The following CACNA1G variants were observed in gnomAD, a reference collection of about 807,000 sequenced individuals.
The protein encoded by CACNA1G is calcium voltage-gated channel subunit alpha1 G, also known as voltage-dependent T-type calcium channel subunit alpha-1G.
CACNA1G carries 67 observed loss-of-function variants against 219.4 expected under a neutral mutation model. That is an observed-to-expected ratio of 0.31 (90% CI 0.25 to 0.37). The LOEUF is 0.37. Ranked by LOEUF, CACNA1G falls within the 10% of genes least tolerant of loss-of-function variation. The pLI is 1.00. For synonymous variants in CACNA1G, 1,296 were observed against 1,345.3 expected (o/e 0.96, Z 0.80); for missense variants, 2,380 against 3,231.4 (o/e 0.74, Z 6.39).
chr17:50,587,058 G>T (rs546989242), intron 9 of CACNA1G, among the ~76,000 whole-genome samples: 1 of 152,208 alleles, frequency 6.6e-6, no homozygotes, highest in Non-Finnish European at 1.5e-5. Flanking sequence ...GGCTAGACCT[G>T]GGAAGGGACT....
At chr17:50,624,866 C>A (rs1489140470) in intron 37 of CACNA1G, among the ~76,000 whole-genome samples, 1 of 152,130 alleles carries the variant, frequency 6.6e-6, no homozygotes, top group Non-Finnish European at 1.5e-5. Context: ...TTCTTCTCCC[C>A]ACTTTGGACT....
chr17:50,566,054 G>A (rs1344839743), intron 1 of CACNA1G, among the ~76,000 whole-genome samples: 1 of 152,108 alleles, frequency 6.6e-6, no homozygotes, highest in Non-Finnish European at 1.5e-5. Context: ...GGTTACCATG[G>A]GGATCTGTCA....
chr17:50,583,025 G>A (rs1424856038), intron 9 of CACNA1G, among the ~76,000 whole-genome samples: 1 of 152,170 alleles, frequency 6.6e-6, no homozygotes, highest in Non-Finnish European at 1.5e-5. Context: ...TCCAGATATG[G>A]TAAGTCTGAA....
At chr17:50,602,559 C>T (rs1052431892) in intron 19 of CACNA1G, among the ~76,000 whole-genome samples, 1 of 152,194 alleles carries the variant, frequency 6.6e-6, no homozygotes, top group Non-Finnish European at 1.5e-5. Context: ...ATCCTCTCCC[C>T]CTTGGGCTAA....
At position 50,569,810 on chromosome 17, in the gene CACNA1G, G is replaced by C. The variant is rs1191771423; in HGVS notation, c.586+7G>C. 2.6e-6 allele frequency: 4 copies of C among 1,546,640 alleles called. No individual in the cohort carries two copies. Among genetic ancestry groups the C allele is most frequent in the Non-Finnish European group, 3.5e-6 (4 of 1,144,266 alleles). On this transcript the variant is annotated splice_region_variant and intron_variant, in intron 4 of 37. Transcript: ENST00000359106. Reference sequence around the variant, plus strand: ...GCCATTAACCGGGTGCCCAGTGAGTGACCCCTCAGCCCTCAGCCCCTGAAG... The same window carrying C: ...GCCATTAACCGGGTGCCCAGTGAGTCACCCCTCAGCCCTCAGCCCCTGAAG...
In CACNA1G at chr17:50,617,595, G is replaced by A; in HGVS notation, c.5155+24G>A. 1 of 1,611,428 alleles carries A rather than the reference G, an allele frequency of 6.2e-7. No individual in the cohort carries two copies. On this transcript the variant is annotated intron_variant, in intron 29 of 37. Transcript: ENST00000359106. This position sits in a 1 kb window ranked among gnomAD's most constrained non-coding sequence, Gnocchi z 5.8. Reference sequence around the variant, plus strand: ...AGGTTGGTGCCCAGCCCACGCACCTGCCCTCCTAGGGTGACCAGCCCAGGG... The same window carrying A: ...AGGTTGGTGCCCAGCCCACGCACCTACCCTCCTAGGGTGACCAGCCCAGGG...
At position 50,571,253 on chromosome 17, in the gene CACNA1G, A is replaced by C. The variant is rs2144716406; in HGVS notation, c.587-625A>C. ...GCAGGGCTCAGAGCCATAGTGAAGC[A>C]CAGGGCATCTTGGCCCCTGCCTAGG... is the stretch of plus-strand genomic sequence containing the variant. On this transcript the variant is annotated intron_variant, in intron 4 of 37. Coordinates refer to ENST00000359106, the MANE Select transcript of CACNA1G (RefSeq NM_018896.5). The surrounding 1 kb of genome is among the most constrained non-coding windows in gnomAD (Gnocchi z 4.3). Among the ~76,000 whole-genome samples, 1 of 152,334 alleles carries C rather than the reference A, an allele frequency of 6.6e-6. No individual in the cohort carries two copies. The highest frequency in any genetic ancestry group is 6.5e-5 in the Admixed American group (1 of 15,306).
chr17:50,575,777 G>A lies in CACNA1G; in HGVS notation c.1375G>A (p.Gly459Ser). The A allele has an allele frequency of 6.4e-7, 1 of 1,556,076 alleles. No homozygotes were observed. Among genetic ancestry groups the A allele is most frequent in the South Asian group, 1.2e-5 (1 of 84,558 alleles). ...GCTGGCTCAGGTCTCTCGGGCAGCA[G>A]GTGTGCGGGTTGGGCTGCTCAGCAG... Reference protein sequence around the residue: ...RRLAQVSRAAGVRVGLLSSPA... With the variant: ...RRLAQVSRAASVRVGLLSSPA... Residue 459 changes from glycine to serine, a missense_variant, in exon 8 of 38, where the codon GGT (glycine) becomes AGT (serine). This residue lies in a region of CACNA1G where 434 missense variants were observed against 417.3 expected (regional missense o/e 1.04). Transcript: ENST00000359106.
At chr17:50,593,256 A>G (rs911602759) in intron 13 of CACNA1G, among the ~76,000 whole-genome samples, 1 of 152,220 alleles carries the variant, frequency 6.6e-6, no homozygotes, top group African/African-American at 2.4e-5. Context: ...AAGAGCCAGT[A>G]GACTCACTCT....
chr17:50,590,434 A>G (rs1489603143), intron 9 of CACNA1G, 37 bp from the exon 10 acceptor site: 1 of 1,611,686 alleles, frequency 6.2e-7, no homozygotes. Flanking sequence ...GGGCTCAGTG[A>G]TAAGCCAGCT....
chr17:50,588,872 T>G lies in CACNA1G; in HGVS notation c.2302-1599T>G, dbSNP rs935516478. Among the ~76,000 whole-genome samples the G allele has an allele frequency of 2.0e-5, 3 of 152,174 alleles. No individual in the cohort carries two copies. The South Asian group carries it at 6.2e-4, about 32-fold the overall frequency. ...CGCTCACCTGCTAGTCAGAAGCCCC[T>G]TGTTCCGAGTCTTTTCACCTCCCAT... On this transcript the variant is annotated intron_variant, in intron 9 of 37. Transcript: ENST00000359106.
At position 50,561,058 on chromosome 17, in the gene CACNA1G, C is replaced by T. The variant is rs2037742087; in HGVS notation, c.-402C>T. 2.8e-6 allele frequency: 1 copy of T among 362,806 alleles called. No individual in the cohort carries two copies. The highest frequency in any genetic ancestry group is 5.4e-6 in the Non-Finnish European group (1 of 185,942). The allele number at this position is 362,806 out of a possible 1,614,324, so 22.5% of individuals were successfully genotyped here. A position where few individuals can be genotyped will look rare whatever the true frequency, so the allele number is the denominator to read the frequency against. ...CGCCGCGGGAAGAGGGGGCGCCCCT[C>T]CCCGGACCCCCGCCCTCCGCCGCTG... On this transcript the variant is annotated 5_prime_UTR_variant, in exon 1 of 38. Coordinates refer to ENST00000359106, the MANE Select transcript of CACNA1G (RefSeq NM_018896.5).
At position 50,617,794 on chromosome 17, in the gene CACNA1G, G is replaced by T; in HGVS notation, c.5156-65G>T. On this transcript the variant is annotated intron_variant, in intron 29 of 37. Coordinates refer to ENST00000359106, the MANE Select transcript of CACNA1G (RefSeq NM_018896.5). The surrounding 1 kb of genome is among the most constrained non-coding windows in gnomAD (Gnocchi z 5.8). ...GCAGCCCCAGCCCAGCCCTGGTCCT[G>T]ACTCTGCCAGCTGTCTGGCCGGGGA... 1 of 1,579,952 alleles carries T rather than the reference G, an allele frequency of 6.3e-7. No homozygotes were observed. Among genetic ancestry groups the T allele is most frequent in the South Asian group, 1.1e-5 (1 of 90,222 alleles).
chr17:50,610,968 C>T (rs1193302040), intron 26 of CACNA1G, among the ~76,000 whole-genome samples: 3 of 152,056 alleles, frequency 2.0e-5, no homozygotes, highest in Non-Finnish European at 2.9e-5. Context: ...TTGGAAAGAA[C>T]ATAAGGGCCG....
rs765272111 is a variant in CACNA1G, at chr17:50,617,942, T to TG, written c.5226+19dup. The TG allele has an allele frequency of 1.6e-5, 25 of 1,611,080 alleles. No homozygotes were observed. Among genetic ancestry groups the TG allele is most frequent in the African/African-American group, 6.7e-5 (5 of 74,310 alleles). ...GGCCCTGCCCCAGGTAGCCGGGAGGTGGGGGGCCTCTGGGGAGGGGGAGGT... is the reference window on the plus strand; with the variant it reads ...GGCCCTGCCCCAGGTAGCCGGGAGGTGGGGGGGCCTCTGGGGAGGGGGAGGT... On this transcript the variant is annotated intron_variant, in intron 30 of 37. Coordinates refer to ENST00000359106, the MANE Select transcript of CACNA1G (RefSeq NM_018896.5). The surrounding 1 kb of genome is among the most constrained non-coding windows in gnomAD (Gnocchi z 5.8).
chr17:50,624,336 TC>T, intron 36 of CACNA1G, 23 bp from the exon 37 acceptor site: 1 of 717,762 alleles, frequency 1.4e-6, no homozygotes, highest in South Asian at 2.2e-5. Context: ...CCCCCACCCC[TC>T]CCCCGCTTCC....
chr17:50,589,885 C>T (rs1016446303), intron 9 of CACNA1G, among the ~76,000 whole-genome samples: 3 of 127,562 alleles, frequency 2.4e-5, no homozygotes, highest in Admixed American at 7.4e-5. Context: ...ACTGGGAATG[C>T]GTGCATTTTT....
At chr17:50,585,421 T>G (rs1010290723) in intron 9 of CACNA1G, among the ~76,000 whole-genome samples, 1 of 152,158 alleles carries the variant, frequency 6.6e-6, no homozygotes, top group African/African-American at 2.4e-5. Flanking sequence ...TTTGAGGGCT[T>G]CGGGGAGCTG....
In CACNA1G at chr17:50,626,428, G is replaced by T; in HGVS notation, c.6811G>T (p.Ala2271Ser). The T allele has an allele frequency of 6.2e-7, 1 of 1,607,922 alleles. No homozygotes were observed. The highest frequency in any genetic ancestry group is 8.5e-7 in the Non-Finnish European group (1 of 1,177,720). The change falls in exon 38 of 38, where the codon GCC becomes TCC. Residue 2271 changes from alanine (A) to serine (S), a missense_variant. By Grantham distance (99) the Ala-to-Ser change is moderately conservative. Around this residue, in one of 17 missense-constraint regions of CACNA1G, gnomAD observed 672 missense variants for 670.5 expected, o/e 1.00. Coordinates refer to ENST00000359106, the MANE Select transcript of CACNA1G (RefSeq NM_018896.5). The surrounding 1 kb of genome is among the most constrained non-coding windows in gnomAD (Gnocchi z 4.3). ...GGATGAGCAGAGGAGACACTCTATC[G>T]CCGTCAGCTGCCTGGACAGCGGCTC... ...WLDEQRRHSIAVSCLDSGSQP... is the reference protein window; with the variant it reads ...WLDEQRRHSISVSCLDSGSQP...
Sources: gnomAD v4.1 joint callset for allele counts (sites outside exome capture counted in the v4.1 genomes callset) on GRCh38, gnomAD v4.1.1 for gene constraint, gnomAD v4.1.1 regional missense constraint, Gnocchi (gnomAD v3.1) non-coding constraint, MANE v1.5 for transcripts, NCBI Gene and HGNC (gene_info 2026-07-23, HGNC 2026-07-21) for gene names.